The following TAFA4 variants were observed in gnomAD, a reference collection of about 807,000 sequenced individuals.
TAFA4 encodes chemokine-like protein TAFA-4.
A neutral mutation model predicts 21.1 loss-of-function variants in TAFA4; 20 were observed. The observed-to-expected ratio is 0.95, with a 90% confidence interval of 0.67 to 1.38. The LOEUF is 1.38. Among genes scored for constraint, TAFA4 ranks in the 40% most tolerant of loss-of-function variants. The probability of loss-of-function intolerance (pLI) is 0.00; values close to 1 mark genes in which losing one functional copy is unlikely to be tolerated. For missense variants in TAFA4, 211 were observed against 180.9 expected (o/e 1.17, Z -0.95); for synonymous variants, 71 against 67.4 (o/e 1.05, Z -0.26).
intron 3 of TAFA4, among the ~76,000 whole-genome samples, chr3:68,817,097 T>G (rs1703996057): frequency 6.6e-6 from 1 of 152,210 alleles, no homozygotes; most frequent in Admixed American, 6.5e-5. Flanking sequence ...GAAAACATCT[T>G]ATCCACAGAA....
intron 1 of TAFA4, among the ~76,000 whole-genome samples, chr3:68,931,062 T>C (rs1350760060): frequency 6.6e-6 from 1 of 152,132 alleles, no homozygotes; most frequent in Non-Finnish European, 1.5e-5. Flanking sequence ...CAAGTTTGGG[T>C]GACCGAGTCT....
chr3:68,882,351 T>G (rs973861430), intron 2 of TAFA4, among the ~76,000 whole-genome samples: 3 of 151,982 alleles, frequency 2.0e-5, no homozygotes, highest in Non-Finnish European at 2.9e-5. Flanking sequence ...GAAATTGAAT[T>G]GGTTGCCAAC....
At chr3:68,846,849 G>A (rs1039649030) in intron 3 of TAFA4, among the ~76,000 whole-genome samples, 2 of 152,150 alleles carry the variant, frequency 1.3e-5, no homozygotes, top group African/African-American at 4.8e-5. Context: ...ACCAGTGGAG[G>A]CTGCAGAACA....
At chr3:68,852,467 C>T (rs1359569852) in intron 3 of TAFA4, among the ~76,000 whole-genome samples, 1 of 152,124 alleles carries the variant, frequency 6.6e-6, no homozygotes, top group Non-Finnish European at 1.5e-5. Flanking sequence ...GAAGCATTAG[C>T]GAGGCTCCTT....
intron 3 of TAFA4, among the ~76,000 whole-genome samples, chr3:68,846,468 C>A (rs1704799981): frequency 6.6e-6 from 1 of 151,938 alleles, no homozygotes. Context: ...GAACATGCTC[C>A]TTTAGCTCGG....
At chr3:68,810,123 A>C (rs1703799907) in intron 3 of TAFA4, among the ~76,000 whole-genome samples, 1 of 152,206 alleles carries the variant, frequency 6.6e-6, no homozygotes, top group Non-Finnish European at 1.5e-5. Context: ...TGTGATTGGA[A>C]TTTGATAAGG....
At chr3:68,809,782 G>C (rs892480352) in intron 3 of TAFA4, among the ~76,000 whole-genome samples, 4 of 152,150 alleles carry the variant, frequency 2.6e-5, no homozygotes, top group African/African-American at 9.7e-5. Flanking sequence ...TGGATACCCA[G>C]TTCTCCCAGC....
intron 3 of TAFA4, among the ~76,000 whole-genome samples, chr3:68,797,084 T>C (rs1417201269): frequency 1.3e-5 from 2 of 152,186 alleles, no homozygotes; most frequent in Non-Finnish European, 2.9e-5. Context: ...TAGAAAACAA[T>C]ACGGCATTTC....
At chr3:68,817,936 C>T (rs1704025358) in intron 3 of TAFA4, among the ~76,000 whole-genome samples, 1 of 152,112 alleles carries the variant, frequency 6.6e-6, no homozygotes, top group African/African-American at 2.4e-5. Flanking sequence ...CTTAAAGTCA[C>T]CTGCATTTCC....
In TAFA4 at chr3:68,920,267, A is replaced by G. The variant is rs2090045594; in HGVS notation, c.-123+11973T>C. 3.3e-5 allele frequency among the ~76,000 whole-genome samples: 5 copies of G among 152,366 alleles called. No individual in the cohort carries two copies. In the South Asian group the frequency reaches 1.0e-3, roughly 32 times the overall value. On this transcript the variant is annotated intron_variant, in intron 1 of 5. Coordinates refer to ENST00000295569, the MANE Select transcript of TAFA4 (RefSeq NM_182522.5). ...ACTATAGAATCAGATGTATAAAATG[A>G]CACTACTTAAGTGAAAAAATTCACA...
intron 1 of TAFA4, 28 bp from the exon 2 acceptor site, chr3:68,885,338 AGG>A: frequency 4.9e-6 from 3 of 615,902 alleles, no homozygotes; most frequent in Non-Finnish European, 8.4e-6. Flanking sequence ...AAAAAAAAAA[AGG>A]AATCAATTAG....
intron 3 of TAFA4, among the ~76,000 whole-genome samples, chr3:68,753,365 TCA>T (rs1440615597): frequency 7.5e-6 from 1 of 134,006 alleles, no homozygotes; most frequent in Non-Finnish European, 1.5e-5. Context: ...AGAGAGAATC[TCA>T]CTCTGTCACT....
In TAFA4 at chr3:68,788,958, G is replaced by T. The variant is rs188820901; in HGVS notation, c.131-35940C>A. Among the ~76,000 whole-genome samples the T allele has an allele frequency of 4.7e-3, 710 of 152,190 alleles. 9 individuals carry two copies. Among genetic ancestry groups the T allele is most frequent in the African/African-American group, 0.017 (688 of 41,524 alleles). On this transcript the variant is annotated intron_variant, in intron 3 of 5. Coordinates refer to ENST00000295569, the MANE Select transcript of TAFA4 (RefSeq NM_182522.5). ...TAAATCTTTAATCCATTTGGGCCTG[G>T]TGTGGTGGCTCACGCCTGTAATCCC...
chr3:68,837,639 G>C (rs1361209794), intron 3 of TAFA4, among the ~76,000 whole-genome samples: 1 of 152,074 alleles, frequency 6.6e-6, no homozygotes. Context: ...ATACCCAAAG[G>C]AAATTCAAAC....
Sources: gnomAD v4.1 joint callset for allele counts (sites outside exome capture counted in the v4.1 genomes callset) on GRCh38, gnomAD v4.1.1 for gene constraint, MANE v1.5 for transcripts, NCBI Gene and HGNC (gene_info 2026-07-23, HGNC 2026-07-21) for gene names.